SAMD12: variants seen among roughly 807,000 people sequenced by gnomAD.
SAMD12 encodes sterile alpha motif domain-containing protein 12.
SAMD12 carries 9 observed loss-of-function variants against 15.0 expected under a neutral mutation model. The observed-to-expected ratio is 0.60, with a 90% CI of 0.36 to 1.05. The LOEUF is 1.05. SAMD12 is among the 50% of genes least tolerant of loss of function. SAMD12 has a pLI of 0.01. For missense variants in SAMD12, 230 were observed against 234.2 expected, an observed-to-expected ratio of 0.98 and a Z score of 0.12; for synonymous variants, 86 against 90.1, an observed-to-expected ratio of 0.96 and a Z score of 0.25.
chr8:118,275,598 T>A (rs1472434272), intron 4 of SAMD12, among the ~76,000 whole-genome samples: 1 of 152,152 alleles, frequency 6.6e-6, no homozygotes, highest in Non-Finnish European at 1.5e-5. Flanking sequence ...CATGTGCAGG[T>A]TTGTTACATA....
At chr8:118,476,650 A>C (rs1426907545) in intron 2 of SAMD12, among the ~76,000 whole-genome samples, 1 of 152,220 alleles carries the variant, frequency 6.6e-6, no homozygotes, top group East Asian at 1.9e-4. Flanking sequence ...GAGGAGACTA[A>C]AGGTGGCTGT....
chr8:118,470,837 T>C (rs1823772714), intron 2 of SAMD12, among the ~76,000 whole-genome samples: 1 of 152,224 alleles, frequency 6.6e-6, no homozygotes, highest in Admixed American at 6.5e-5. Context: ...TTTAGGGGTA[T>C]CTTCTCAGGA....
chr8:118,586,950 T>C (rs1394262690), intron 1 of SAMD12, among the ~76,000 whole-genome samples: 1 of 152,218 alleles, frequency 6.6e-6, no homozygotes, highest in East Asian at 1.9e-4. Flanking sequence ...ATTGTGTAAT[T>C]CACCAAAAAT....
intron 2 of SAMD12, among the ~76,000 whole-genome samples, chr8:118,563,587 T>A (rs1369609817): frequency 6.6e-6 from 1 of 152,166 alleles, no homozygotes; most frequent in Non-Finnish European, 1.5e-5. Context: ...AAACAAAGCA[T>A]TTCCCTCATA....
chr8:118,190,302 G>A (rs1819328118), exon 5 of SAMD12: 1 of 152,008 alleles, frequency 6.6e-6, no homozygotes, highest in Non-Finnish European at 1.5e-5. Flanking sequence ...ATTTGCAGTA[G>A]TTCATCAAAA....
chr8:118,317,599 A>T (rs1383317379), intron 4 of SAMD12, among the ~76,000 whole-genome samples: 2 of 152,164 alleles, frequency 1.3e-5, no homozygotes, highest in Non-Finnish European at 1.5e-5. Flanking sequence ...AGAATTTGGC[A>T]TTTATCTTTG....
At chr8:118,587,800 A>G (rs1563599332) in intron 1 of SAMD12, among the ~76,000 whole-genome samples, 1 of 152,234 alleles carries the variant, frequency 6.6e-6, no homozygotes, top group Non-Finnish European at 1.5e-5. Flanking sequence ...GAGAAAAGTA[A>G]TTCTCTGCTT....
chr8:118,453,290 T>C (rs977846837), intron 2 of SAMD12, among the ~76,000 whole-genome samples: 1 of 152,178 alleles, frequency 6.6e-6, no homozygotes, highest in Non-Finnish European at 1.5e-5. Flanking sequence ...ATTTAGCTTA[T>C]GATTACATAT....
intron 2 of SAMD12, among the ~76,000 whole-genome samples, chr8:118,489,699 C>T (rs530006068): frequency 6.6e-6 from 1 of 152,268 alleles, no homozygotes; most frequent in Non-Finnish European, 1.5e-5. Flanking sequence ...CTCCAATTTT[C>T]ACATTAAAAA....
intron 4 of SAMD12, among the ~76,000 whole-genome samples, chr8:118,251,678 T>C (rs1381609536): frequency 6.6e-6 from 1 of 152,120 alleles, no homozygotes; most frequent in African/African-American, 2.4e-5. Flanking sequence ...TGTACAAAAT[T>C]GGGTCCAGCA....
At chr8:118,445,422 C>T (rs1324192342) in intron 2 of SAMD12, among the ~76,000 whole-genome samples, 5 of 152,122 alleles carry the variant, frequency 3.3e-5, no homozygotes, top group Admixed American at 3.3e-4. Flanking sequence ...ATAAAATCTA[C>T]ATATTAGGGA....
chr8:118,618,759 A>C (rs924595578), intron 1 of SAMD12, among the ~76,000 whole-genome samples: 2 of 151,750 alleles, frequency 1.3e-5, no homozygotes, highest in African/African-American at 4.8e-5. Context: ...AAATGGCGTG[A>C]ACCCGGGAGG....
chr8:118,295,277 T>A (rs1241174499), intron 4 of SAMD12, among the ~76,000 whole-genome samples: 1 of 152,234 alleles, frequency 6.6e-6, no homozygotes, highest in African/African-American at 2.4e-5. Context: ...ATTTATTTAA[T>A]CTCTGTATAT....
the SAMD12 span, among the ~76,000 whole-genome samples, chr8:118,141,141 A>T: frequency 6.6e-6 from 1 of 152,260 alleles, no homozygotes; most frequent in Non-Finnish European, 1.5e-5. Context: ...AAGCAGCTAC[A>T]GAAGCAAATT....
chr8:118,613,628 A>G (rs1330024287), intron 1 of SAMD12, among the ~76,000 whole-genome samples: 1 of 152,188 alleles, frequency 6.6e-6, no homozygotes, highest in Non-Finnish European at 1.5e-5. Flanking sequence ...TATCAAGTCA[A>G]TATCTTAGTC....
chr8:118,160,000 G>A, the SAMD12 span, among the ~76,000 whole-genome samples: 15 of 152,242 alleles, frequency 9.9e-5, no homozygotes, highest in East Asian at 5.8e-4. Context: ...GATTACAGGC[G>A]TGAGCCACTG....
chr8:118,375,621 G>A (rs946477549), downstream of SAMD12: 5 of 152,102 alleles, frequency 3.3e-5, no homozygotes, highest in Non-Finnish European at 7.4e-5. Context: ...CCTATTTGGT[G>A]AGCACAGCAA....
intron 2 of SAMD12, among the ~76,000 whole-genome samples, chr8:118,471,178 C>G (rs1823783536): frequency 6.6e-6 from 1 of 151,046 alleles, no homozygotes; most frequent in Admixed American, 6.6e-5. Flanking sequence ...ATGCTGGTCA[C>G]AGCATTTTTT....
chr8:118,441,154 A>C (rs1822749368), intron 2 of SAMD12, among the ~76,000 whole-genome samples: 1 of 152,186 alleles, frequency 6.6e-6, no homozygotes, highest in African/African-American at 2.4e-5. Flanking sequence ...GGCTTGCTTC[A>C]GTCTCAGAAT....
Sources: allele counts gnomAD v4.1 joint callset (sites outside exome capture counted in the v4.1 genomes callset), GRCh38; gene constraint gnomAD v4.1.1; transcripts MANE v1.5; gene names NCBI Gene and HGNC (gene_info 2026-07-23, HGNC 2026-07-21).